Variants in ABCA12 observed in about 807,000 individuals in gnomAD.
The protein encoded by ABCA12 is glucosylceramide transporter ABCA12.
In ABCA12, 156 loss-of-function variants were observed where a neutral mutation model predicts 293.5. The ratio of observed to expected loss-of-function variants is 0.53; its 90% confidence interval spans 0.47 to 0.61. The LOEUF (loss-of-function observed/expected upper bound fraction) is 0.61. ABCA12 is among the 20% of genes least tolerant of loss of function. The pLI, the probability that ABCA12 is intolerant of heterozygous loss-of-function variation, is 0.00. For synonymous variants in ABCA12, 1,063 were observed against 1,108.0 expected, an observed-to-expected ratio of 0.96 and a Z score of 0.81; for missense variants, 2,797 against 3,090.2, an observed-to-expected ratio of 0.91 and a Z score of 2.25.
intron 22 of ABCA12, among the ~76,000 whole-genome samples, chr2:214,998,683 A>C (rs1700083365): frequency 6.6e-6 from 1 of 152,176 alleles, no homozygotes; most frequent in Admixed American, 6.5e-5. Flanking sequence ...TTACTAAAAC[A>C]CAAGTTTCTG....
intron 6 of ABCA12, among the ~76,000 whole-genome samples, chr2:215,049,161 A>T (rs1338886289): frequency 6.6e-6 from 1 of 152,202 alleles, no homozygotes; most frequent in African/African-American, 2.4e-5. Context: ...CTAAAATAAA[A>T]GTTTTTGAAA....
rs753274338 is a variant in ABCA12, at chr2:214,966,991, T to C, written c.5779-38A>G. On this transcript the variant is annotated intron_variant, in intron 38 of 52. Coordinates refer to ENST00000272895, the MANE Select transcript of ABCA12 (RefSeq NM_173076.3). ...AAAAGAAGGCAAGATCAATATTGCATTCAAATAAATTAGGCTGTCTTAACA... is the reference window on the plus strand; with the variant it reads ...AAAAGAAGGCAAGATCAATATTGCACTCAAATAAATTAGGCTGTCTTAACA... 1.7e-5 allele frequency: 25 copies of C among 1,496,192 alleles called. 1 individual carries two copies. Among genetic ancestry groups the C allele is most frequent in the Non-Finnish European group, 1.8e-5 (19 of 1,073,076 alleles). The allele number at this position is 1,496,192 out of a possible 1,614,324, so 92.7% of individuals were successfully genotyped here. A position where few individuals can be genotyped will look rare whatever the true frequency, so the allele number is the denominator to read the frequency against.
chr2:215,117,566 T>C (rs1367821531), intron 1 of ABCA12, among the ~76,000 whole-genome samples: 2 of 152,200 alleles, frequency 1.3e-5, no homozygotes, highest in Non-Finnish European at 2.9e-5. Flanking sequence ...AACCCGATGT[T>C]CTAAAAAATT....
rs951716418 is a variant in ABCA12 at position 214,958,255 on chromosome 2, A to G, written c.6117+22T>C. The G allele has an allele frequency of 6.8e-6, 11 of 1,613,674 alleles. No homozygotes were observed. The African/African-American group carries it at 1.1e-4, about 16-fold the overall frequency. On this transcript the variant is annotated intron_variant, in intron 41 of 52. Coordinates refer to ENST00000272895, the MANE Select transcript of ABCA12 (RefSeq NM_173076.3). ...CCAAATTGATCTTTTATTCCCTGCA[A>G]TGAAGGACATAAGTTACTCACCATG... is the stretch of plus-strand genomic sequence containing the variant.
At chr2:215,027,127 G>A (rs529525333) in intron 9 of ABCA12, among the ~76,000 whole-genome samples, 189 bp from the exon 10 acceptor site, 1 of 152,198 alleles carries the variant, frequency 6.6e-6, no homozygotes, top group African/African-American at 2.4e-5. Context: ...AGCGGATCAC[G>A]AGGTCACGAG....
In ABCA12 at chr2:215,015,619, G is replaced by A. The variant is rs1167221734; in HGVS notation, c.1827C>T (p.Ile609=). 6.2e-7 allele frequency: 1 copy of A among 1,614,034 alleles called. No individual in the cohort carries two copies. Among genetic ancestry groups the A allele is most frequent in the Non-Finnish European group, 8.5e-7 (1 of 1,179,936 alleles). Residue 609 remains isoleucine, a synonymous_variant, in exon 15 of 53, where the codon ATC becomes ATT. Coordinates refer to ENST00000272895, the MANE Select transcript of ABCA12 (RefSeq NM_173076.3). The part of the protein sequence containing the change: ...VFWLHSCDTN[I]TTPKLEDAMK... ...TTGCATCTTCTAGTTTGGGAGTGGTGATATTAGTATCACAGGAATGCAGCC... is the reference window on the plus strand; with the variant it reads ...TTGCATCTTCTAGTTTGGGAGTGGTAATATTAGTATCACAGGAATGCAGCC...
intron 2 of ABCA12, among the ~76,000 whole-genome samples, chr2:215,065,811 T>G (rs2106075771): frequency 6.6e-6 from 1 of 152,208 alleles, no homozygotes; most frequent in East Asian, 1.9e-4. Context: ...GACACTCAGT[T>G]TGGGGTAATT....
Position 214,986,604 on chromosome 2 carries a change from G to A in ABCA12, c.4101C>T (p.Asn1367=), listed in dbSNP as rs1383067947. The A allele has an allele frequency of 1.2e-6, 2 of 1,614,036 alleles. No homozygotes were observed. The highest frequency in any genetic ancestry group is 4.5e-5 in the East Asian group (2 of 44,874). The change falls in exon 28 of 53, where the codon AAC becomes AAT. Residue 1367 remains asparagine, a synonymous_variant. Transcript: ENST00000272895. The part of the protein sequence containing the change: ...SKVAVDNLNL[N]FYEGHITSLL... ...ATGAAGTAATATGCCCTTCATAAAA[G>A]TTCAGATTGAGGTTATCAACAGCAA...
chr2:215,053,499 A>C (rs1376737208), intron 4 of ABCA12, among the ~76,000 whole-genome samples: 2 of 152,148 alleles, frequency 1.3e-5, no homozygotes, highest in Non-Finnish European at 2.9e-5. Context: ...AGCAAAGCTT[A>C]CTGGACCATA....
At chr2:214,967,851 T>C (rs1409076437) in intron 38 of ABCA12, among the ~76,000 whole-genome samples, 1 of 152,182 alleles carries the variant, frequency 6.6e-6, no homozygotes, top group Non-Finnish European at 1.5e-5. Context: ...AGACTGTGTA[T>C]GTCTCTTACT....
intron 2 of ABCA12, among the ~76,000 whole-genome samples, chr2:215,103,258 A>C (rs1486378641): frequency 1.4e-5 from 2 of 138,282 alleles, no homozygotes; most frequent in African/African-American, 2.8e-5. Flanking sequence ...TGTCTCTTAA[A>C]ATTTCTTTCT....
rs1410696443 is a variant in ABCA12 at position 215,000,943 on chromosome 2, T to C, written c.2941A>G (p.Ile981Val). ...AGACTCATCCGGATGGTATATTTTATGACAGGAGGAAGAAAGACATTTCCA... is the reference window on the plus strand; with the variant it reads ...AGACTCATCCGGATGGTATATTTTACGACAGGAGGAAGAAAGACATTTCCA... ...DSGNVFLPPV[I>V]KYTIRMSLKT... is the part of the protein sequence containing the mutation. Residue 981 changes from isoleucine (I) to valine (V), a missense_variant, in exon 22 of 53, where the codon ATA (isoleucine) becomes GTA (valine). By Grantham distance (29) the Ile-to-Val change is conservative. Around this residue, in one of 3 missense-constraint regions of ABCA12, gnomAD observed 2,130 missense variants for 2,427.0 expected, o/e 0.88. Coordinates refer to ENST00000272895, the MANE Select transcript of ABCA12 (RefSeq NM_173076.3). The C allele has an allele frequency of 1.2e-6, 2 of 1,614,054 alleles. No individual in the cohort carries two copies. The highest frequency in any genetic ancestry group is 1.1e-5 in the South Asian group (1 of 91,086).
rs752817021 is a variant in ABCA12 at position 214,945,085 on chromosome 2, A to G, written c.7259T>C (p.Met2420Thr). 1.2e-6 allele frequency: 2 copies of G among 1,613,656 alleles called. No homozygotes were observed. The highest frequency in any genetic ancestry group is 3.3e-5 in the Admixed American group (2 of 59,904). Reference sequence around the variant, plus strand: ...GAGGTGCCGTTTCGACTTCGGATCCATGCCAGAGCTCGGCTCATCCTTAAT... The same window carrying G: ...GAGGTGCCGTTTCGACTTCGGATCCGTGCCAGAGCTCGGCTCATCCTTAAT... ...ILLLDEPSSG[M>T]DPKSKRHLWK... Residue 2420 changes from methionine (M) to threonine (T), a missense_variant, in exon 49 of 53, where the codon ATG (methionine) becomes ACG (threonine). Met to Thr is a moderately conservative substitution (Grantham distance 81, BLOSUM62 -1). Coordinates refer to ENST00000272895, the MANE Select transcript of ABCA12 (RefSeq NM_173076.3).
chr2:215,069,026 T>C (rs1701686243), intron 2 of ABCA12, among the ~76,000 whole-genome samples: 1 of 152,182 alleles, frequency 6.6e-6, no homozygotes, highest in African/African-American at 2.4e-5. Flanking sequence ...GTACACATTA[T>C]AGCAATGGTA....
intron 50 of ABCA12, among the ~76,000 whole-genome samples, chr2:214,940,984 G>C (rs1371532130): frequency 6.6e-6 from 1 of 152,054 alleles, no homozygotes. Context: ...TCTGATCTTA[G>C]TCATTTCTTG....
intron 7 of ABCA12, among the ~76,000 whole-genome samples, chr2:215,044,678 T>C (rs569943377): frequency 6.6e-6 from 1 of 152,198 alleles, no homozygotes; most frequent in Non-Finnish European, 1.5e-5. Context: ...CTTTGCCATG[T>C]ACTAACTGTA....
intron 22 of ABCA12, among the ~76,000 whole-genome samples, chr2:214,998,725 G>A (rs1226076888): frequency 1.3e-5 from 2 of 152,154 alleles, no homozygotes; most frequent in Admixed American, 1.3e-4. Flanking sequence ...ATATCTGGGT[G>A]GGACCATCTA....
At chr2:214,951,198 C>A (rs538534227) in intron 44 of ABCA12, 115 bp from the exon 45 acceptor site, 8 of 919,832 alleles carry the variant, frequency 8.7e-6, no homozygotes, top group Non-Finnish European at 1.2e-5. Context: ...CATTAGACTT[C>A]TTTTACATTT....
chr2:215,014,570 T>C (rs996171616), intron 15 of ABCA12, among the ~76,000 whole-genome samples: 2 of 152,084 alleles, frequency 1.3e-5, no homozygotes, highest in African/African-American at 4.8e-5. Context: ...AAGGGTGATA[T>C]AATGAGACTT....
Sources: allele counts gnomAD v4.1 joint callset (sites outside exome capture counted in the v4.1 genomes callset), GRCh38; gene constraint gnomAD v4.1.1; regional missense constraint gnomAD v4.1.1; transcripts MANE v1.5; gene names NCBI Gene and HGNC (gene_info 2026-07-23, HGNC 2026-07-21).